CDKN2AIPNL: variants seen among roughly 807,000 people sequenced by gnomAD.
CDKN2AIPNL encodes the protein XRN2 binding domain containing 1, also known as CDKN2AIP N-terminal-like protein.
In CDKN2AIPNL, 9 loss-of-function variants were observed where a neutral mutation model predicts 12.9. The ratio of observed to expected loss-of-function variants is 0.70; its 90% CI spans 0.42 to 1.22. The LOEUF (loss-of-function observed/expected upper bound fraction) is 1.22. Among genes scored for constraint, CDKN2AIPNL ranks in the 50% most tolerant of loss-of-function variants. The pLI, the probability that CDKN2AIPNL is intolerant of heterozygous loss-of-function variation, is 0.00. For synonymous variants in CDKN2AIPNL, 53 were observed against 61.7 expected (o/e 0.86, Z 0.66); for missense variants, 143 against 153.6 (o/e 0.93, Z 0.37).
chr5:134,409,519 A>C (rs947333274), intron 2 of CDKN2AIPNL, among the ~76,000 whole-genome samples: 1 of 152,140 alleles, frequency 6.6e-6, no homozygotes, highest in African/African-American at 2.4e-5. Flanking sequence ...GAAGCCAAAC[A>C]AGTCAGGTCG....
chr5:134,409,163 C>A (rs770240602), intron 2 of CDKN2AIPNL, among the ~76,000 whole-genome samples: 23 of 152,284 alleles, frequency 1.5e-4, no homozygotes, highest in Non-Finnish European at 2.5e-4. Context: ...CTAAATAGAA[C>A]TTTAGACACC....
chr5:134,405,007 C>T (rs972698169), intron 2 of CDKN2AIPNL, among the ~76,000 whole-genome samples: 2 of 151,538 alleles, frequency 1.3e-5, no homozygotes, highest in Non-Finnish European at 2.9e-5. Context: ...TGGTCTCAAA[C>T]TCTCAACCTC....
chr5:134,407,634 G>A (rs1437618305), intron 2 of CDKN2AIPNL, among the ~76,000 whole-genome samples: 4 of 151,946 alleles, frequency 2.6e-5, no homozygotes, highest in Non-Finnish European at 5.9e-5. Context: ...AAATAGCCGC[G>A]CGTGGTGGCA....
At chr5:134,410,292 C>T (rs778202659) in intron 1 of CDKN2AIPNL, among the ~76,000 whole-genome samples, 10 of 152,258 alleles carry the variant, frequency 6.6e-5, no homozygotes, top group African/African-American at 2.2e-4. Flanking sequence ...TGTGCCACCA[C>T]GCCTGGCTAA....
At position 134,411,667 on chromosome 5, in the gene CDKN2AIPNL, T is replaced by C; in HGVS notation, c.188A>G (p.Gln63Arg). The stretch of plus-strand genomic sequence containing the variant: ...CCAGACCATGGAGAGGGAGAGCAGC[T>C]GGTCCAGGCGGCCACTGCCGTCGGG... ...DPPDGSGRLDQLLSLSMVWAN... is the reference protein window; with the variant it reads ...DPPDGSGRLDRLLSLSMVWAN... The change falls in exon 1 of 3, where the codon CAG becomes CGG. Residue 63 changes from glutamine (Q) to arginine (R), a missense_variant. Coordinates refer to ENST00000458198, the MANE Select transcript of CDKN2AIPNL (RefSeq NM_080656.3). 1.2e-6 allele frequency: 2 copies of C among 1,613,040 alleles called. No individual in the cohort carries two copies. Among genetic ancestry groups the C allele is most frequent in the Non-Finnish European group, 1.7e-6 (2 of 1,179,782 alleles).
At chr5:134,403,688 G>A (rs1247566282) in intron 2 of CDKN2AIPNL, among the ~76,000 whole-genome samples, 1 of 152,182 alleles carries the variant, frequency 6.6e-6, no homozygotes, top group East Asian at 1.9e-4. Flanking sequence ...GCAGTGGCAC[G>A]ATCTTGGCTC....
Sources: allele counts gnomAD v4.1 joint callset (sites outside exome capture counted in the v4.1 genomes callset), GRCh38; gene constraint gnomAD v4.1.1; transcripts MANE v1.5; gene names NCBI Gene and HGNC (gene_info 2026-07-23, HGNC 2026-07-21).